Variants in MYO1H observed in about 807,000 individuals in gnomAD.
MYO1H encodes unconventional myosin-Ih.
A neutral mutation model predicts 149.3 loss-of-function variants in MYO1H; 118 were observed. The observed-to-expected ratio is 0.79, with a 90% CI of 0.68 to 0.92. The LOEUF is 0.92. Among genes scored for constraint, MYO1H ranks in the 40% least tolerant of loss-of-function variants. MYO1H has a pLI of 0.00. For synonymous variants in MYO1H, 447 were observed against 465.2 expected (o/e 0.96, Z 0.50); for missense variants, 1,212 against 1,280.7 (o/e 0.95, Z 0.82).
rs779035103 is a variant in MYO1H, at chr12:109,425,951, G to C, written c.1731G>C (p.Gly577=). The C allele has an allele frequency of 9.3e-6, 15 of 1,610,922 alleles. No homozygotes were observed. The Admixed American group carries it at 2.3e-4, about 25-fold the overall frequency. ...CTTTCTCTCTCTCTCTGCAGGTGGG[G>C]ACTCAGTTTAAAAACAGTCTGAGCA... Residue 577 remains glycine (G), a synonymous_variant, in exon 18 of 32, where the codon GGG becomes GGC. Coordinates refer to ENST00000310903, the Ensembl canonical transcript of MYO1H.
chr12:109,401,020 G>C, intron 5 of MYO1H, 73 bp from the exon 6 acceptor site: 2 of 1,326,250 alleles, frequency 1.5e-6, no homozygotes, highest in South Asian at 2.7e-5. Context: ...TTAGAACTTC[G>C]GGCCATCAGG....
chr12:109,440,528 A>G, intron 24 of MYO1H: 1 of 529,956 alleles, frequency 1.9e-6, no homozygotes, highest in Non-Finnish European at 3.4e-6. Context: ...CAGGTGAGTC[A>G]TAAACATATT....
intron 1 of MYO1H, among the ~76,000 whole-genome samples, chr12:109,388,189 AAAAAAG>A (rs1869461914): frequency 1.3e-5 from 2 of 149,602 alleles, no homozygotes; most frequent in African/African-American, 5.1e-5. Context: ...ATTAATTTTA[AAAAAAG>A]AAAAAATTCA....
At chr12:109,313,308 C>A in the MYO1H span, among the ~76,000 whole-genome samples, 2 of 152,170 alleles carry the variant, frequency 1.3e-5, no homozygotes, top group Non-Finnish European at 2.9e-5. Flanking sequence ...AGTGCCCCCT[C>A]TCCAAGGTGC....
At chr12:109,424,932 T>C (rs914403442) in intron 17 of MYO1H, 104 bp downstream of exon 17, 1 of 828,098 alleles carries the variant, frequency 1.2e-6, no homozygotes, top group Non-Finnish European at 2.0e-6. Flanking sequence ...CTGGAAGTAT[T>C]ACTCTCTAAC....
At chr12:109,375,711 C>T (rs570396319) in intron 1 of MYO1H, among the ~76,000 whole-genome samples, 33 of 152,262 alleles carry the variant, frequency 2.2e-4, no homozygotes, top group Non-Finnish European at 4.6e-4. Flanking sequence ...GGAATAGTGG[C>T]TCACACCTGT....
intron 27 of MYO1H, among the ~76,000 whole-genome samples, chr12:109,443,174 A>ATATGTGTATATATATGTGTACGTATG: frequency 8.6e-6 from 1 of 115,640 alleles, no homozygotes; most frequent in East Asian, 2.3e-4. Flanking sequence ...ATGTGTACGT[A>ATATGTGTATATATATGTGTACGTATG]TGTGTGTATA....
intron 1 of MYO1H, among the ~76,000 whole-genome samples, chr12:109,349,696 C>T (rs1024135764): frequency 6.7e-6 from 1 of 148,944 alleles, no homozygotes; most frequent in African/African-American, 2.5e-5. Context: ...TGCGGTGGCT[C>T]ATGCCTGTAA....
intron 21 of MYO1H, 38 bp from the exon 22 acceptor site, chr12:109,436,450 G>C: frequency 6.6e-7 from 1 of 1,516,062 alleles, no homozygotes; most frequent in Non-Finnish European, 9.1e-7. Flanking sequence ...ATGCGCAAAT[G>C]CAAAGCCATT....
intron 20 of MYO1H, among the ~76,000 whole-genome samples, chr12:109,434,442 C>T (rs938756476): frequency 6.6e-6 from 1 of 152,048 alleles, no homozygotes; most frequent in East Asian, 1.9e-4. Flanking sequence ...TGCAGTGAGC[C>T]GAGATTGCAC....
intron 1 of MYO1H, among the ~76,000 whole-genome samples, chr12:109,356,338 A>G (rs1293004577): frequency 6.6e-6 from 1 of 152,094 alleles, no homozygotes; most frequent in Non-Finnish European, 1.5e-5. Flanking sequence ...ATAGCTGTGG[A>G]TACCAGGAGG....
chr12:109,403,942 A>G, intron 6 of MYO1H, 40 bp from the exon 7 acceptor site: 5 of 1,426,220 alleles, frequency 3.5e-6, no homozygotes, highest in Non-Finnish European at 4.9e-6. Flanking sequence ...AATTGCCCCT[A>G]TAAAAATGAC....
chr12:109,393,059 C>T (rs749500178), intron 2 of MYO1H, among the ~76,000 whole-genome samples: 23 of 151,970 alleles, frequency 1.5e-4, no homozygotes, highest in Admixed American at 1.2e-3. Context: ...CCACCCGCCT[C>T]GGCCTCCCAA....
At chr12:109,312,209 T>TTTTG in the MYO1H span, among the ~76,000 whole-genome samples, 1 of 116,972 alleles carries the variant, frequency 8.5e-6, no homozygotes, top group Non-Finnish European at 1.9e-5. Flanking sequence ...CAGTTTTTTT[T>TTTTG]TTTGTTTGTT....
chr12:109,322,094 T>C, the MYO1H span, among the ~76,000 whole-genome samples: 2 of 152,176 alleles, frequency 1.3e-5, no homozygotes, highest in East Asian at 1.9e-4. Context: ...GAGAGCCAGA[T>C]ATGAGCTGGC....
Position 109,443,196 on chromosome 12 carries a change from A to ATGTGTGTATATATGTGTACGTATATG in MYO1H, c.2689-307_2689-306insATGTGTACGTATATGTGTGTGTATAT, listed in dbSNP as rs1566045179. 6.7e-3 allele frequency among the ~76,000 whole-genome samples: 643 copies of ATGTGTGTATATATGTGTACGTATATG among 95,706 alleles called. 109 individuals carry two copies. Among genetic ancestry groups the ATGTGTGTATATATGTGTACGTATATG allele is most frequent in the African/African-American group, 0.029 (607 of 21,210 alleles). 62.8% of individuals were successfully genotyped at this position (95,706 alleles called of 152,430 possible). A position where few individuals can be genotyped will look rare whatever the true frequency, so the allele number is the denominator to read the frequency against. ...CGTATGTGTGTATATGTGTACGTATATGTGTGTATATGTGTACGTATATGT... is the reference window on the plus strand; with the variant it reads ...CGTATGTGTGTATATGTGTACGTATATGTGTGTATATATGTGTACGTATATGTGTGTGTATATGTGTACGTATATGT... On this transcript the variant is annotated intron_variant, in intron 27 of 31. Coordinates refer to ENST00000310903, the Ensembl canonical transcript of MYO1H.
rs1197264994 is a variant in MYO1H at position 109,393,456 on chromosome 12, AT to A, written c.290+11del. ...AACTGCCACCACATGTGTAAGTAGC[AT>A]CCACAGGATCATCACTAGGAGGATT... On this transcript the variant is annotated intron_variant, in intron 3 of 31. Transcript: ENST00000310903. 1 of 1,528,596 alleles carries A rather than the reference AT, an allele frequency of 6.5e-7. No individual in the cohort carries two copies. Among genetic ancestry groups the A allele is most frequent in the East Asian group, 2.4e-5 (1 of 42,462 alleles). The allele number at this position is 1,528,596 out of a possible 1,614,324, so 94.7% of individuals were successfully genotyped here. A position where few individuals can be genotyped will look rare whatever the true frequency, so the allele number is the denominator to read the frequency against.
intron 4 of MYO1H, among the ~76,000 whole-genome samples, chr12:109,396,974 C>A (rs890135354): frequency 6.6e-6 from 1 of 151,598 alleles, no homozygotes; most frequent in Non-Finnish European, 1.5e-5. Flanking sequence ...ACTATAGGCA[C>A]GTACCATCAT....
chr12:109,400,252 G>A (rs1870105208), intron 5 of MYO1H, among the ~76,000 whole-genome samples: 1 of 152,180 alleles, frequency 6.6e-6, no homozygotes, highest in African/African-American at 2.4e-5. Context: ...ATGCCCTTTA[G>A]TAGATTTACA....
Sources: gnomAD v4.1 joint callset for allele counts (sites outside exome capture counted in the v4.1 genomes callset) on GRCh38, gnomAD v4.1.1 for gene constraint, MANE v1.5 for transcripts, NCBI Gene and HGNC (gene_info 2026-07-23, HGNC 2026-07-21) for gene names.